The following UST variants were observed in gnomAD, a reference collection of about 807,000 sequenced individuals.
UST encodes the protein uronyl 2-sulfotransferase, also known as chondroitin sulfate 2-O-sulfotransferase.
UST carries 21 observed loss-of-function variants against 45.6 expected under a neutral mutation model. That is an observed-to-expected ratio of 0.46 (90% CI 0.33 to 0.66). UST has a LOEUF of 0.66. UST is among the 30% of genes least tolerant of loss of function. UST has a pLI of 0.02. For missense variants in UST, 463 were observed against 512.4 expected, an observed-to-expected ratio of 0.90 and a Z score of 0.93; for synonymous variants, 215 against 200.6, an observed-to-expected ratio of 1.07 and a Z score of -0.61.
intron 2 of UST, among the ~76,000 whole-genome samples, chr6:148,929,390 C>A (rs147107985): frequency 1.7e-4 from 26 of 152,224 alleles, no homozygotes; most frequent in African/African-American, 6.0e-4. Flanking sequence ...TTTCTCAGGG[C>A]CTTCTAGGTA....
intron 5 of UST, among the ~76,000 whole-genome samples, chr6:148,981,072 C>T (rs1254789223): frequency 1.3e-5 from 2 of 152,114 alleles, no homozygotes; most frequent in Non-Finnish European, 2.9e-5. Context: ...ATCCATCGTT[C>T]AAATTCTCAT....
At chr6:148,958,621 A>T (rs905088903) in intron 4 of UST, among the ~76,000 whole-genome samples, 1 of 152,208 alleles carries the variant, frequency 6.6e-6, no homozygotes, top group Admixed American at 6.5e-5. Context: ...TTTCTGAAAA[A>T]GATCAACTTT....
intron 2 of UST, among the ~76,000 whole-genome samples, chr6:148,911,875 C>G (rs1226765340): frequency 6.6e-6 from 1 of 152,066 alleles, no homozygotes; most frequent in Non-Finnish European, 1.5e-5. Context: ...GCCTCAAATC[C>G]TTTTTGCCAG....
chr6:148,820,859 A>C (rs1453495389), intron 1 of UST, among the ~76,000 whole-genome samples: 1 of 151,466 alleles, frequency 6.6e-6, no homozygotes, highest in African/African-American at 2.4e-5. Flanking sequence ...TCTCAAAAAA[A>C]AAAAAAAAAT....
intron 5 of UST, among the ~76,000 whole-genome samples, chr6:148,994,816 A>G (rs968268407): frequency 2.0e-5 from 3 of 151,966 alleles, no homozygotes; most frequent in African/African-American, 7.3e-5. Context: ...TTTCAGGGCC[A>G]AGATGAATCC....
chr6:149,048,159 G>C (rs1456658545), intron 7 of UST, among the ~76,000 whole-genome samples: 1 of 142,134 alleles, frequency 7.0e-6, no homozygotes, highest in Non-Finnish European at 1.6e-5. Context: ...GAAAGGAATA[G>C]AGGAAAATAT....
At chr6:149,026,772 T>A (rs975446604) in intron 7 of UST, among the ~76,000 whole-genome samples, 32 of 152,346 alleles carry the variant, frequency 2.1e-4, no homozygotes, top group African/African-American at 7.5e-4. Context: ...TCCAATCCTT[T>A]TACTTTGTGT....
At chr6:148,815,047 TA>T (rs1777329848) in intron 1 of UST, among the ~76,000 whole-genome samples, 1 of 152,130 alleles carries the variant, frequency 6.6e-6, no homozygotes, top group Admixed American at 6.5e-5. Flanking sequence ...AGACACTTAT[TA>T]AAAAAACCGT....
chr6:148,795,479 A>C (rs1776931861), intron 1 of UST, among the ~76,000 whole-genome samples: 1 of 152,140 alleles, frequency 6.6e-6, no homozygotes. Context: ...TAGTGTGAAC[A>C]TGTTTTCTTA....
intron 2 of UST, among the ~76,000 whole-genome samples, chr6:148,931,951 G>A (rs1779928435): frequency 6.6e-6 from 1 of 152,236 alleles, no homozygotes. Context: ...GGAAGGTTTA[G>A]CCTCGCAAAC....
At chr6:149,071,725 G>A (rs1168526761) in intron 7 of UST, among the ~76,000 whole-genome samples, 1 of 151,990 alleles carries the variant, frequency 6.6e-6, no homozygotes, top group African/African-American at 2.4e-5. Context: ...TTATATACCT[G>A]ATATATGTGC....
Position 148,936,645 on chromosome 6 carries a change from A to G in UST, c.292-4634A>G, listed in dbSNP as rs140344525. ...GCATTTCAAATAAAAGGTGATGAAC[A>G]TTTTTAAAGCAGACCTTCAGAAACA... On this transcript the variant is annotated intron_variant, in intron 2 of 7. Transcript: ENST00000367463. 3.3e-3 allele frequency among the ~76,000 whole-genome samples: 455 copies of G among 137,042 alleles called. 3 individuals are homozygous for G. The highest frequency in any genetic ancestry group is 0.011 in the African/African-American group (417 of 36,470). The allele number at this position is 137,042 out of a possible 152,430, so 89.9% of individuals were successfully genotyped here. A position where few individuals can be genotyped will look rare whatever the true frequency, so the allele number is the denominator to read the frequency against.
intron 1 of UST, among the ~76,000 whole-genome samples, chr6:148,754,221 C>T (rs1470360357): frequency 1.3e-5 from 2 of 152,132 alleles, no homozygotes; most frequent in African/African-American, 4.8e-5. Flanking sequence ...TGGTCTCGAT[C>T]TCCTGACCTC....
At chr6:148,755,457 T>C (rs1318360171) in intron 1 of UST, among the ~76,000 whole-genome samples, 1 of 152,172 alleles carries the variant, frequency 6.6e-6, no homozygotes, top group Non-Finnish European at 1.5e-5. Context: ...GGCCTCAGTT[T>C]GAATAATTGG....
intron 7 of UST, among the ~76,000 whole-genome samples, chr6:149,049,736 T>A (rs764000761): frequency 1.3e-5 from 2 of 152,166 alleles, no homozygotes; most frequent in Non-Finnish European, 2.9e-5. Flanking sequence ...GTAAAGAACA[T>A]CATTCTCGAG....
Position 148,864,044 on chromosome 6 carries a change from C to T in UST, c.248-22942C>T, listed in dbSNP as rs529390470. 3.3e-5 allele frequency among the ~76,000 whole-genome samples: 5 copies of T among 152,300 alleles called. 1 individual carries two copies. The South Asian group carries it at 1.0e-3, about 32-fold the overall frequency. On this transcript the variant is annotated intron_variant, in intron 1 of 7. Transcript: ENST00000367463. ...TCTCTTCAAAGCTGTCAGACAGGGA[C>T]GTTTAAGTCTGCAGAGGTTTCTGCT...
chr6:148,904,168 T>G (rs1226952628), intron 2 of UST, among the ~76,000 whole-genome samples: 3 of 152,178 alleles, frequency 2.0e-5, no homozygotes, highest in Non-Finnish European at 4.4e-5. Context: ...GGTCTGAAAT[T>G]AAATAGACTC....
At chr6:148,769,573 A>C (rs111838621) in intron 1 of UST, among the ~76,000 whole-genome samples, 1 of 152,220 alleles carries the variant, frequency 6.6e-6, no homozygotes, top group Non-Finnish European at 1.5e-5. Flanking sequence ...CTGTTCTATA[A>C]CACCACCATC....
At chr6:149,034,352 T>A (rs1233099193) in intron 7 of UST, among the ~76,000 whole-genome samples, 1 of 152,166 alleles carries the variant, frequency 6.6e-6, no homozygotes, top group Non-Finnish European at 1.5e-5. Context: ...ATTTAAATAT[T>A]AATTACCAGA....
Sources: allele counts gnomAD v4.1 joint callset (sites outside exome capture counted in the v4.1 genomes callset), GRCh38; gene constraint gnomAD v4.1.1; transcripts MANE v1.5; gene names NCBI Gene and HGNC (gene_info 2026-07-23, HGNC 2026-07-21).